Variants in ADGRV1 observed in about 807,000 individuals in gnomAD.
ADGRV1 encodes G-protein coupled receptor 98.
ADGRV1 carries 359 observed loss-of-function variants against 596.2 expected under a neutral mutation model. That is an observed-to-expected ratio of 0.60 (90% CI 0.55 to 0.66). ADGRV1 has a LOEUF of 0.66. ADGRV1 is among the 30% of genes least tolerant of loss of function. ADGRV1 has a pLI of 0.00. For synonymous variants in ADGRV1, 2,681 were observed against 2,679.2 expected, an observed-to-expected ratio of 1.00 and a Z score of -0.02; for missense variants, 7,274 against 7,575.6, an observed-to-expected ratio of 0.96 and a Z score of 1.48.
intron 19 of ADGRV1, 146 bp from the exon 20 acceptor site, chr5:90,653,063 A>G: frequency 1.4e-6 from 1 of 712,596 alleles, no homozygotes; most frequent in East Asian, 2.7e-5. Context: ...AATGTGGTGA[A>G]AGCCACATGG....
chr5:91,015,900 C>T (rs1783136232), intron 85 of ADGRV1, among the ~76,000 whole-genome samples: 1 of 151,768 alleles, frequency 6.6e-6, no homozygotes, highest in South Asian at 2.1e-4. Flanking sequence ...TGGATTTGGT[C>T]CTGTCATTGT....
At chr5:90,971,464 A>G (rs879233137) in intron 84 of ADGRV1, among the ~76,000 whole-genome samples, 1 of 152,236 alleles carries the variant, frequency 6.6e-6, no homozygotes, top group African/African-American at 2.4e-5. Flanking sequence ...AGGTTGGGTT[A>G]CCCACAAAGG....
intron 1 of ADGRV1, among the ~76,000 whole-genome samples, chr5:90,574,072 G>A (rs894788185): frequency 7.2e-5 from 11 of 152,078 alleles, no homozygotes; most frequent in African/African-American, 2.4e-4. Flanking sequence ...AGTATAGTTT[G>A]ACATCTGGTA....
intron 78 of ADGRV1, among the ~76,000 whole-genome samples, chr5:90,841,887 T>C (rs1253495607): frequency 1.3e-5 from 2 of 152,140 alleles, no homozygotes; most frequent in African/African-American, 4.8e-5. Context: ...AATTATAAAG[T>C]ACAGAGGTAA....
intron 30 of ADGRV1, 144 bp from the exon 31 acceptor site, chr5:90,690,653 C>T: frequency 1.2e-6 from 1 of 802,460 alleles, no homozygotes; most frequent in East Asian, 2.7e-5. Context: ...ATTTGTATCA[C>T]AGCATGTTAC....
At position 90,854,269 on chromosome 5, in the gene ADGRV1, G is replaced by GT. The variant is rs1365389296; in HGVS notation, c.17594+72dup. On this transcript the variant is annotated intron_variant, in intron 81 of 89. Transcript: ENST00000405460. ...CCATTTCGGTACCACTGAGCCTAAT[G>GT]TTTTGTACTGAGCATAGATGGTGGC... is the stretch of plus-strand genomic sequence containing the variant. 9 of 1,169,214 alleles carry GT rather than the reference G, an allele frequency of 7.7e-6. No individual in the cohort carries two copies. In the East Asian group the frequency reaches 2.0e-4, roughly 27 times the overall value. The allele number at this position is 1,169,214 out of a possible 1,614,324, so 72.4% of individuals were successfully genotyped here.
intron 50 of ADGRV1, among the ~76,000 whole-genome samples, chr5:90,742,550 A>G (rs567999950): frequency 3.3e-5 from 5 of 152,250 alleles, no homozygotes; most frequent in African/African-American, 1.2e-4. Context: ...AAGTATTGAG[A>G]TGCCTTTCTT....
At chr5:90,862,379 G>T (rs1183489562) in intron 82 of ADGRV1, among the ~76,000 whole-genome samples, 3 of 148,098 alleles carry the variant, frequency 2.0e-5, no homozygotes, top group Non-Finnish European at 4.5e-5. Context: ...CACACACACA[G>T]ACATACACAT....
chr5:90,954,609 A>G (rs1221666927), intron 83 of ADGRV1, among the ~76,000 whole-genome samples: 2 of 152,188 alleles, frequency 1.3e-5, no homozygotes, highest in Admixed American at 1.3e-4. Context: ...TAAAAAGTAT[A>G]AACATTTGAT....
chr5:90,617,654 ATATT>A lies in ADGRV1; in HGVS notation c.208-146_208-143del, dbSNP rs1763539857. 9.7e-6 allele frequency: 6 copies of A among 621,404 alleles called. No individual in the cohort carries two copies. The South Asian group carries it at 1.5e-4, about 15-fold the overall frequency. The allele number at this position is 621,404 out of a possible 1,614,324, so 38.5% of individuals were successfully genotyped here. A position where few individuals can be genotyped will look rare whatever the true frequency, so the allele number is the denominator to read the frequency against. Reference sequence around the variant, plus strand: ...GAAGATAAGTTTTTTCAGTTGTTAAATATTTATGATTTTTGTTTTTGTACACCCT... The same window carrying A: ...GAAGATAAGTTTTTTCAGTTGTTAAATATGATTTTTGTTTTTGTACACCCT... On this transcript the variant is annotated intron_variant, in intron 2 of 89. Coordinates refer to ENST00000405460, the MANE Select transcript of ADGRV1 (RefSeq NM_032119.4).
chr5:90,988,491 C>T (rs899033289), intron 85 of ADGRV1, among the ~76,000 whole-genome samples: 11 of 152,112 alleles, frequency 7.2e-5, no homozygotes, highest in African/African-American at 2.4e-4. Context: ...TCCCCCTGTA[C>T]GTTGTTATCT....
intron 84 of ADGRV1, among the ~76,000 whole-genome samples, chr5:90,968,391 C>A (rs1356759106): frequency 6.6e-6 from 1 of 152,164 alleles, no homozygotes; most frequent in Non-Finnish European, 1.5e-5. Flanking sequence ...TAAGATTTCA[C>A]CCAAGTTAAT....
intron 33 of ADGRV1, among the ~76,000 whole-genome samples, chr5:90,696,559 C>G (rs898564736): frequency 4.6e-5 from 7 of 152,072 alleles, no homozygotes; most frequent in African/African-American, 1.7e-4. Flanking sequence ...GAGAATGAGA[C>G]TCCACTTTCC....
intron 45 of ADGRV1, among the ~76,000 whole-genome samples, chr5:90,721,360 CGGG>C: frequency 6.6e-6 from 1 of 151,390 alleles, no homozygotes; most frequent in Non-Finnish European, 1.5e-5. Context: ...AAAAATTAGC[CGGG>C]CGTAGTGGCA....
chr5:91,065,842 TG>T (rs1425935521), intron 85 of ADGRV1, among the ~76,000 whole-genome samples: 1 of 152,180 alleles, frequency 6.6e-6, no homozygotes, highest in Non-Finnish European at 1.5e-5. Flanking sequence ...AGCATCTACT[TG>T]TTTCATCTGG....
intron 89 of ADGRV1, among the ~76,000 whole-genome samples, chr5:91,154,482 A>C (rs1796305829): frequency 6.6e-6 from 1 of 152,260 alleles, no homozygotes; most frequent in Non-Finnish European, 1.5e-5. Flanking sequence ...TCCCAAGGTT[A>C]CATAGTTAAG....
chr5:91,136,612 A>G, intron 87 of ADGRV1, among the ~76,000 whole-genome samples: 1 of 152,224 alleles, frequency 6.6e-6, no homozygotes, highest in East Asian at 1.9e-4. Context: ...TATAAATTTG[A>G]TCTACAGCTT....
intron 42 of ADGRV1, among the ~76,000 whole-genome samples, chr5:90,714,661 CTAAAAT>C (rs1478341301): frequency 3.3e-5 from 5 of 151,966 alleles, no homozygotes; most frequent in African/African-American, 1.2e-4. Context: ...CATTTTTCTT[CTAAAAT>C]GCAGAAAATA....
Position 91,087,141 on chromosome 5 carries a change from C to T in ADGRV1, c.18310+14537C>T, listed in dbSNP as rs1222605203. Among the ~76,000 whole-genome samples, 3 of 152,138 alleles carry T rather than the reference C, an allele frequency of 2.0e-5. No individual in the cohort carries two copies. The East Asian group carries it at 5.8e-4, about 29-fold the overall frequency. On this transcript the variant is annotated intron_variant, in intron 86 of 89. Coordinates refer to ENST00000405460, the MANE Select transcript of ADGRV1 (RefSeq NM_032119.4). ...ATTCTTTCTTCTTTCCCCAAAGTTC[C>T]CTGATAATCATCAATAGGAAGAACC... is the stretch of plus-strand genomic sequence containing the variant.
Sources: gnomAD v4.1 joint callset for allele counts (sites outside exome capture counted in the v4.1 genomes callset) on GRCh38, gnomAD v4.1.1 for gene constraint, MANE v1.5 for transcripts, NCBI Gene and HGNC (gene_info 2026-07-23, HGNC 2026-07-21) for gene names.